The following EIF3L variants were observed in gnomAD, a reference collection of about 807,000 sequenced individuals.
The protein encoded by EIF3L is eIEF associated protein HSPC021.
In EIF3L, 32 loss-of-function variants were observed where a neutral mutation model predicts 74.6. The ratio of observed to expected loss-of-function variants is 0.43; its 90% CI spans 0.32 to 0.58. The LOEUF (loss-of-function observed/expected upper bound fraction) is 0.58, where lower values mean the gene tolerates loss of function less well. Among genes scored for constraint, EIF3L ranks in the 20% least tolerant of loss-of-function variants. The pLI is 0.06. For synonymous variants in EIF3L, 256 were observed against 254.4 expected (o/e 1.01, Z -0.06); for missense variants, 474 against 707.8 (o/e 0.67, Z 3.75).
rs536981260 is a variant in EIF3L, at chr22:37,875,845, T to G, written c.911T>G (p.Met304Arg). 6.2e-7 allele frequency: 1 copy of G among 1,613,514 alleles called. No homozygotes were observed. Among genetic ancestry groups the G allele is most frequent in the East Asian group, 2.2e-5 (1 of 44,866 alleles). ...TTGTTCTACCTCCTTCTACAGAGTA[T>G]GTATTCCCGTGTGCCAGAGTGCCAG... ...LENIELNKKS[M>R]YSRVPECQVT... Residue 304 changes from methionine to arginine, a missense_variant, in exon 10 of 13, where the codon ATG becomes AGG. This residue lies in a region of EIF3L where 293 missense variants were observed against 469.1 expected (regional missense o/e 0.62). Transcript: ENST00000652021.
chr22:37,849,781 C>T (rs1273029948), intron 1 of EIF3L: 7 of 608,548 alleles, frequency 1.2e-5, no homozygotes, highest in South Asian at 1.0e-4. Context: ...GGTCAAATCT[C>T]GCTGATTCCC....
intron 9 of EIF3L, 60 bp downstream of exon 9, chr22:37,874,584 C>T: frequency 4.5e-6 from 7 of 1,548,006 alleles, no homozygotes. Context: ...TCTAGAGAAC[C>T]ACTCTGATCT....
intron 3 of EIF3L, among the ~76,000 whole-genome samples, chr22:37,854,146 G>C (rs940504613): frequency 1.3e-5 from 2 of 152,196 alleles, no homozygotes; most frequent in African/African-American, 4.8e-5. Context: ...GGCAGGCAAA[G>C]AAAGGATCTA....
intron 2 of EIF3L, 91 bp downstream of exon 2, chr22:37,850,154 C>A: frequency 6.9e-7 from 1 of 1,455,876 alleles, no homozygotes; most frequent in South Asian, 1.1e-5. Flanking sequence ...TCAAAAATTG[C>A]TCTTTGATGG....
rs1353582438 is a variant in EIF3L at position 37,875,961 on chromosome 22, A to G, written c.1027A>G (p.Ile343Val). Residue 343 changes from isoleucine (I) to valine (V), a missense_variant, in exon 10 of 13, where the codon ATC becomes GTC. By Grantham distance (29) the Ile-to-Val change is conservative. Coordinates refer to ENST00000652021, the MANE Select transcript of EIF3L (RefSeq NM_016091.4). Reference sequence around the variant, plus strand: ...GGTCTTCGCCAACATCCTCCTCTACATCCAGAGGACCAAGAGCATGTTCCA... The same window carrying G: ...GGTCTTCGCCAACATCCTCCTCTACGTCCAGAGGACCAAGAGCATGTTCCA... The part of the protein sequence containing the change: ...IRVFANILLY[I>V]QRTKSMFQRT... 6.2e-7 allele frequency: 1 copy of G among 1,613,930 alleles called. No individual in the cohort carries two copies. Among genetic ancestry groups the G allele is most frequent in the African/African-American group, 1.3e-5 (1 of 74,884 alleles).
rs1926814600 is a variant in EIF3L at position 37,877,526 on chromosome 22, G to A, written c.1078-148G>A. On this transcript the variant is annotated intron_variant, in intron 10 of 12. Transcript: ENST00000652021. ...GTTAGGTAGATCTAGAGGGAGGATTGGAAGAGATGTTGGGGAAGTTCAATG... is the reference window on the plus strand; with the variant it reads ...GTTAGGTAGATCTAGAGGGAGGATTAGAAGAGATGTTGGGGAAGTTCAATG... 10 of 924,318 alleles carry A rather than the reference G, an allele frequency of 1.1e-5. No homozygotes were observed. The South Asian group carries it at 1.8e-4, about 16-fold the overall frequency. 57.3% of individuals were successfully genotyped at this position (924,318 alleles called of 1,614,324 possible).
At chr22:37,882,569 CGGGAG>C (rs1927104112) in intron 11 of EIF3L, 2 of 151,722 alleles carry the variant, frequency 1.3e-5, no homozygotes, top group African/African-American at 4.8e-5. Flanking sequence ...CCCAGCTACT[CGGGAG>C]GCTGAGGCAC....
At position 37,870,299 on chromosome 22, in the gene EIF3L, G is replaced by A. The variant is rs762861946; in HGVS notation, c.703G>A (p.Val235Ile). 8 of 1,613,316 alleles carry A rather than the reference G, an allele frequency of 5.0e-6. No individual in the cohort carries two copies. Among genetic ancestry groups the A allele is most frequent in the Non-Finnish European group, 5.9e-6 (7 of 1,179,578 alleles). ...HSVLNVLHSL[V>I]DKSNINRQLE... ...TGTCCTCAATGTCCTTCATTCCCTGGTAGACAAATCCAACATCAACCGACA... is the reference window on the plus strand; with the variant it reads ...TGTCCTCAATGTCCTTCATTCCCTGATAGACAAATCCAACATCAACCGACA... The change falls in exon 8 of 13, where the codon GTA becomes ATA. Residue 235 changes from valine (V) to isoleucine (I), a missense_variant. This residue lies in a region of EIF3L where 293 missense variants were observed against 469.1 expected (regional missense o/e 0.62). Transcript: ENST00000652021.
intron 11 of EIF3L, 103 bp downstream of exon 11, chr22:37,878,274 G>A: frequency 7.0e-7 from 1 of 1,419,884 alleles, no homozygotes; most frequent in Non-Finnish European, 9.4e-7. Context: ...AAGATTCCTG[G>A]CCTTGTGGTG....
chr22:37,865,410 A>G (rs1446090623), intron 7 of EIF3L, among the ~76,000 whole-genome samples: 23 of 152,246 alleles, frequency 1.5e-4, no homozygotes. Context: ...CAGTGAGCCA[A>G]AATCGTGCCA....
At chr22:37,860,193 A>G (rs1480869024) in intron 5 of EIF3L, among the ~76,000 whole-genome samples, 1 of 152,114 alleles carries the variant, frequency 6.6e-6, no homozygotes, top group Non-Finnish European at 1.5e-5. Flanking sequence ...TTTTCCCTCT[A>G]AACTAGTTTT....
intron 8 of EIF3L, among the ~76,000 whole-genome samples, chr22:37,873,303 G>GTTTT (rs373464512): frequency 7.7e-6 from 1 of 129,880 alleles, no homozygotes; most frequent in Non-Finnish European, 1.6e-5. Context: ...AGTTTTTTTT[G>GTTTT]TTTTTTTTTT....
chr22:37,880,103 A>AT (rs1289937519), intron 11 of EIF3L: 2 of 139,812 alleles, frequency 1.4e-5, no homozygotes, highest in African/African-American at 2.7e-5. Flanking sequence ...GCCCGGTATT[A>AT]TTTTATTTTT....
chr22:37,851,228 A>G lies in EIF3L; in HGVS notation c.83-52A>G, dbSNP rs1925201050. The G allele has an allele frequency of 6.5e-6, 10 of 1,534,288 alleles. No homozygotes were observed. In the East Asian group the frequency reaches 6.8e-5, roughly 10 times the overall value. Reference sequence around the variant, plus strand: ...TGGGGTGGTCTTGCCATTTCGTTCTATCATATATGTGGGTTTGAGCATACT... The same window carrying G: ...TGGGGTGGTCTTGCCATTTCGTTCTGTCATATATGTGGGTTTGAGCATACT... On this transcript the variant is annotated intron_variant, in intron 2 of 12. Coordinates refer to ENST00000652021, the MANE Select transcript of EIF3L (RefSeq NM_016091.4).
In EIF3L at chr22:37,889,059, G is replaced by GT. The variant is rs1028225822; in HGVS notation, c.*604dup. The GT allele has an allele frequency of 4.3e-4, 65 of 149,914 alleles. No homozygotes were observed. Among genetic ancestry groups the GT allele is most frequent in the East Asian group, 2.4e-3 (12 of 5,082 alleles). The allele number at this position is 149,914 out of a possible 1,614,324, so 9.3% of individuals were successfully genotyped here. A position where few individuals can be genotyped will look rare whatever the true frequency, so the allele number is the denominator to read the frequency against. ...CCCCGCCTAAATTCAAAATCTTTTTGTTTTTTTTTAGACGGAGTCTCACTC... is the reference window on the plus strand; with the variant it reads ...CCCCGCCTAAATTCAAAATCTTTTTGTTTTTTTTTTAGACGGAGTCTCACTC... On this transcript the variant is annotated 3_prime_UTR_variant, in exon 13 of 13. Transcript: ENST00000652021.
At position 37,889,331 on chromosome 22, in the gene EIF3L, G is replaced by T. The variant is rs184622120; in HGVS notation, c.*867G>T. The T allele has an allele frequency of 2.0e-5, 3 of 152,168 alleles. No homozygotes were observed. The highest frequency in any genetic ancestry group is 7.2e-5 in the African/African-American group (3 of 41,420). 9.4% of individuals were successfully genotyped at this position (152,168 alleles called of 1,614,324 possible). Reference sequence around the variant, plus strand: ...CTCCTAAAGTACTGGGATTACAGGCGTGAGCCACCGTGCCCAGCCCTAAAT... The same window carrying T: ...CTCCTAAAGTACTGGGATTACAGGCTTGAGCCACCGTGCCCAGCCCTAAAT... On this transcript the variant is annotated 3_prime_UTR_variant, in exon 13 of 13. Coordinates refer to ENST00000652021, the MANE Select transcript of EIF3L (RefSeq NM_016091.4).
chr22:37,858,849 A>G (rs2145806374), intron 5 of EIF3L, 109 bp downstream of exon 5: 1 of 983,524 alleles, frequency 1.0e-6, no homozygotes, highest in East Asian at 2.4e-5. Context: ...GTGTCTGGGC[A>G]TGATTGGCAT....
At chr22:37,863,881 C>A (rs560669335) in intron 7 of EIF3L, among the ~76,000 whole-genome samples, 6 of 151,992 alleles carry the variant, frequency 3.9e-5, no homozygotes, top group Non-Finnish European at 8.8e-5. Context: ...CTGGCTAACA[C>A]GGTGAAACCC....
chr22:37,858,834 G>A lies in EIF3L; in HGVS notation c.435+94G>A, dbSNP rs191413129. 3,840 of 1,131,718 alleles carry A rather than the reference G, an allele frequency of 3.4e-3. 12 individuals carry two copies. The highest frequency in any genetic ancestry group is 4.3e-3 in the Non-Finnish European group (3,341 of 784,262). 70.1% of individuals were successfully genotyped at this position (1,131,718 alleles called of 1,614,324 possible). A position where few individuals can be genotyped will look rare whatever the true frequency, so the allele number is the denominator to read the frequency against. The stretch of plus-strand genomic sequence containing the variant: ...AGAACACAGTCATTTGTTTATATTG[G>A]TTCAGTGTCTGGGCATGATTGGCAT... On this transcript the variant is annotated intron_variant, in intron 5 of 12. Coordinates refer to ENST00000652021, the MANE Select transcript of EIF3L (RefSeq NM_016091.4).
Sources: gnomAD v4.1 joint callset for allele counts (sites outside exome capture counted in the v4.1 genomes callset) on GRCh38, gnomAD v4.1.1 for gene constraint, gnomAD v4.1.1 regional missense constraint, MANE v1.5 for transcripts, NCBI Gene and HGNC (gene_info 2026-07-23, HGNC 2026-07-21) for gene names.